Variants in DRAM2 observed in about 807,000 individuals in gnomAD.
DRAM2 encodes the protein DNA damage-regulated autophagy modulator protein 2.
DRAM2 carries 26 observed loss-of-function variants against 33.5 expected under a neutral mutation model. The observed-to-expected ratio is 0.78, with a 90% CI of 0.57 to 1.08. The LOEUF (loss-of-function observed/expected upper bound fraction) is 1.08. Among genes scored for constraint, DRAM2 ranks in the 50% least tolerant of loss-of-function variants. DRAM2 has a pLI of 0.00. For missense variants in DRAM2, 311 were observed against 318.1 expected (o/e 0.98, Z 0.17); for synonymous variants, 98 against 109.5 (o/e 0.89, Z 0.66).
At chr1:111,132,827 A>G (rs545971188) in intron 3 of DRAM2, among the ~76,000 whole-genome samples, 1 of 151,712 alleles carries the variant, frequency 6.6e-6, no homozygotes, top group Non-Finnish European at 1.5e-5. Flanking sequence ...GACCACAAGT[A>G]ACGCACCACC....
Position 111,118,256 on chromosome 1 carries a change from TA to T in DRAM2, c.704del (p.Leu235TyrfsTer10). ...TYIRDFQKIS[L>X]RVEANLHGLT... is the part of the protein sequence containing the mutation. ...ATCCATGTAAATTGGCTTCCACCCG[TA>T]AAGAAATTTTCTGGAACAGAAAAGA... On this transcript the variant is annotated frameshift_variant, in exon 10 of 10. Coordinates refer to ENST00000484310, the MANE Select transcript of DRAM2 (RefSeq NM_001349884.2). LOFTEE classifies it high-confidence loss of function. The T allele has an allele frequency of 6.2e-7, 1 of 1,611,052 alleles. No homozygotes were observed. Among genetic ancestry groups the T allele is most frequent in the Non-Finnish European group, 8.5e-7 (1 of 1,178,656 alleles).
At chr1:111,131,657 C>G in intron 3 of DRAM2, 89 bp from the exon 4 acceptor site, 1 of 1,257,520 alleles carries the variant, frequency 8.0e-7, no homozygotes, top group Non-Finnish European at 1.1e-6. Context: ...CTTGTACTTA[C>G]CACCCCAAGC....
chr1:111,126,088 A>G, intron 5 of DRAM2, 139 bp downstream of exon 5: 1 of 614,796 alleles, frequency 1.6e-6, no homozygotes, highest in Non-Finnish European at 3.0e-6. Context: ...TAAAAGGAGC[A>G]TAATTATGAT....
intron 3 of DRAM2, among the ~76,000 whole-genome samples, chr1:111,132,827 A>C (rs545971188): frequency 1.3e-5 from 2 of 151,830 alleles, no homozygotes; most frequent in South Asian, 4.2e-4. Flanking sequence ...GACCACAAGT[A>C]ACGCACCACC....
chr1:111,124,929 A>C (rs1223241685), intron 5 of DRAM2, 48 bp from the exon 6 acceptor site: 80 of 1,574,434 alleles, frequency 5.1e-5, no homozygotes, highest in Non-Finnish European at 6.7e-5. Context: ...ATAATCAAGA[A>C]ATAAAGTTGC....
intron 6 of DRAM2, 109 bp from the exon 7 acceptor site, chr1:111,120,802 G>T: frequency 1.1e-6 from 1 of 918,652 alleles, no homozygotes; most frequent in Non-Finnish European, 1.5e-6. Flanking sequence ...TCACTGAGTA[G>T]AGAAGCTCGG....
intron 4 of DRAM2, 64 bp from the exon 5 acceptor site, chr1:111,126,358 A>T: frequency 1.1e-6 from 1 of 938,886 alleles, no homozygotes; most frequent in Admixed American, 1.9e-5. Context: ...ATTTCTTCTA[A>T]GGGATAAGAA....
At position 111,139,603 on chromosome 1, in the gene DRAM2, G is replaced by C. The variant is rs1051801068; in HGVS notation, c.-181C>G. ...TTCAACAAACCAGAGGAATTAATTAGACCGCTGATTTTCTCCGGAAGCGCG... is the reference window on the plus strand; with the variant it reads ...TTCAACAAACCAGAGGAATTAATTACACCGCTGATTTTCTCCGGAAGCGCG... On this transcript the variant is annotated 5_prime_UTR_variant, in exon 2 of 10. Coordinates refer to ENST00000484310, the MANE Select transcript of DRAM2 (RefSeq NM_001349884.2). The C allele has an allele frequency of 6.6e-6, 1 of 152,250 alleles. No individual in the cohort carries two copies. Among genetic ancestry groups the C allele is most frequent in the African/African-American group, 2.4e-5 (1 of 41,432 alleles). 9.4% of individuals were successfully genotyped at this position (152,250 alleles called of 1,614,324 possible). A position where few individuals can be genotyped will look rare whatever the true frequency, so the allele number is the denominator to read the frequency against.
chr1:111,137,046 G>A (rs1436127787), intron 3 of DRAM2, among the ~76,000 whole-genome samples: 3 of 147,380 alleles, frequency 2.0e-5, no homozygotes, highest in Non-Finnish European at 3.0e-5. Context: ...GAGGTCAGGA[G>A]ATCGAGACCA....
chr1:111,131,177 T>C (rs1314194688), intron 4 of DRAM2, among the ~76,000 whole-genome samples: 2 of 152,208 alleles, frequency 1.3e-5, no homozygotes, highest in East Asian at 3.8e-4. Flanking sequence ...AATACTTACT[T>C]AGAAAACAAG....
chr1:111,136,644 T>C (rs1481432287), intron 3 of DRAM2, among the ~76,000 whole-genome samples: 1 of 152,048 alleles, frequency 6.6e-6, no homozygotes, highest in African/African-American at 2.4e-5. Context: ...ACACAGATTG[T>C]ACCATCTGCT....
intron 5 of DRAM2, 116 bp from the exon 6 acceptor site, chr1:111,124,997 T>G: frequency 1.1e-6 from 1 of 939,568 alleles, no homozygotes. Context: ...CCTTTTAAAA[T>G]TAATCAGAGA....
chr1:111,120,802 G>C, intron 6 of DRAM2, 109 bp from the exon 7 acceptor site: 2 of 918,658 alleles, frequency 2.2e-6, no homozygotes, highest in Non-Finnish European at 1.5e-6. Flanking sequence ...TCACTGAGTA[G>C]AGAAGCTCGG....
chr1:111,134,656 TTAA>T (rs1223529088), intron 3 of DRAM2, among the ~76,000 whole-genome samples: 2 of 151,946 alleles, frequency 1.3e-5, no homozygotes, highest in African/African-American at 2.4e-5. Flanking sequence ...TCTAAGATCT[TTAA>T]TTTTTTCATT....
chr1:111,123,189 A>G (rs1650354950), intron 6 of DRAM2, among the ~76,000 whole-genome samples: 1 of 152,192 alleles, frequency 6.6e-6, no homozygotes, highest in South Asian at 2.1e-4. Context: ...ACAGCTAGCT[A>G]GTTGTCCACC....
Position 111,118,284 on chromosome 1 carries a change from A to G in DRAM2, c.694-17T>C. ...AGAAATTTTCTGGAACAGAAAAGAA[A>G]ATTATATATAGAAGTTTGCTCCTTA... On this transcript the variant is annotated splice_polypyrimidine_tract_variant and intron_variant, in intron 9 of 9. Coordinates refer to ENST00000484310, the MANE Select transcript of DRAM2 (RefSeq NM_001349884.2). 3 of 1,564,618 alleles carry G rather than the reference A, an allele frequency of 1.9e-6. No homozygotes were observed. Among genetic ancestry groups the G allele is most frequent in the East Asian group, 4.5e-5 (2 of 44,582 alleles).
intron 2 of DRAM2, among the ~76,000 whole-genome samples, chr1:111,138,582 G>A (rs1653779294): frequency 6.6e-6 from 1 of 152,172 alleles, no homozygotes; most frequent in Admixed American, 6.5e-5. Flanking sequence ...TCAGGAGATT[G>A]AGACTATCCT....
At position 111,117,460 on chromosome 1, in the gene DRAM2, A is replaced by AT. The variant is rs1649149925; in HGVS notation, c.*699dup. On this transcript the variant is annotated 3_prime_UTR_variant, in exon 10 of 10. Coordinates refer to ENST00000484310, the MANE Select transcript of DRAM2 (RefSeq NM_001349884.2). ...TTACCTACAGGTGCCTCTCTCCTTC[A>AT]TTGGTGATTAAAATTTCACGCCAGA... 1 of 151,992 alleles carries AT rather than the reference A, an allele frequency of 6.6e-6. No individual in the cohort carries two copies. Among genetic ancestry groups the AT allele is most frequent in the African/African-American group, 2.4e-5 (1 of 41,378 alleles). The allele number at this position is 151,992 out of a possible 1,614,324, so 9.4% of individuals were successfully genotyped here.
rs771322933 is a variant in DRAM2 at position 111,120,517 on chromosome 1, G to A, written c.516C>T (p.Ser172=). ...LVIWCGVSAL[S]MLTCSSVLHS... ...GCCACATTGTACAGTGAAGGATACT[G>A]CTAAGTGCACTTACTCCACACCAGA... The change falls in exon 7 of 10, where the codon AGC becomes AGT. Residue 172 remains serine, a splice_region_variant and synonymous_variant. Transcript: ENST00000484310. 2.5e-6 allele frequency: 4 copies of A among 1,593,948 alleles called. No homozygotes were observed. Among genetic ancestry groups the A allele is most frequent in the East Asian group, 4.5e-5 (2 of 44,116 alleles).
Sources: gnomAD v4.1 joint callset for allele counts (sites outside exome capture counted in the v4.1 genomes callset) on GRCh38, gnomAD v4.1.1 for gene constraint, MANE v1.5 for transcripts, NCBI Gene and HGNC (gene_info 2026-07-23, HGNC 2026-07-21) for gene names.